NIPAL2: variants seen among roughly 807,000 people sequenced by gnomAD.
NIPAL2 encodes the protein NIPA-like protein 2.
Under a neutral mutation model 48.9 loss-of-function variants are expected in NIPAL2, and 43 were observed. That is an observed-to-expected ratio of 0.88 (90% CI 0.69 to 1.13). The LOEUF (loss-of-function observed/expected upper bound fraction) is 1.13, where lower values mean the gene tolerates loss of function less well. Among genes scored for constraint, NIPAL2 ranks in the 50% most tolerant of loss-of-function variants. The probability of loss-of-function intolerance (pLI) is 0.00; values close to 1 mark genes in which losing one functional copy is unlikely to be tolerated. For missense variants in NIPAL2, 446 were observed against 461.4 expected (o/e 0.97, Z 0.31); for synonymous variants, 167 against 174.6 (o/e 0.96, Z 0.34).
At chr8:98,272,281 G>A (rs1815182585) in intron 1 of NIPAL2, among the ~76,000 whole-genome samples, 1 of 152,114 alleles carries the variant, frequency 6.6e-6, no homozygotes, top group Non-Finnish European at 1.5e-5. Context: ...CTGGCTAAAT[G>A]AAGATCATCA....
intron 7 of NIPAL2, among the ~76,000 whole-genome samples, chr8:98,204,815 G>C (rs1223023498): frequency 6.6e-6 from 1 of 151,882 alleles, no homozygotes; most frequent in East Asian, 1.9e-4. Flanking sequence ...ATGACAACCT[G>C]TGTACCACAG....
At chr8:98,222,210 T>G (rs923154959) in intron 5 of NIPAL2, among the ~76,000 whole-genome samples, 1 of 152,214 alleles carries the variant, frequency 6.6e-6, no homozygotes, top group Non-Finnish European at 1.5e-5. Flanking sequence ...GGAATGTTTT[T>G]TTTTACTCTG....
intron 1 of NIPAL2, among the ~76,000 whole-genome samples, chr8:98,270,211 T>C (rs1221121570): frequency 1.3e-5 from 2 of 152,232 alleles, no homozygotes. Context: ...AGTAATGGGA[T>C]TGCTGGGTGA....
chr8:98,253,565 C>T (rs1471675460), intron 2 of NIPAL2, among the ~76,000 whole-genome samples: 3 of 152,120 alleles, frequency 2.0e-5, no homozygotes, highest in Non-Finnish European at 4.4e-5. Context: ...TACATTCTTT[C>T]CTCAAGACCA....
chr8:98,286,431 T>C (rs1816165365), intron 1 of NIPAL2, among the ~76,000 whole-genome samples: 1 of 152,156 alleles, frequency 6.6e-6, no homozygotes, highest in African/African-American at 2.4e-5. Flanking sequence ...CAGTGAGGCA[T>C]GGAGCTCATA....
chr8:98,279,538 T>C (rs1815677956), intron 1 of NIPAL2, among the ~76,000 whole-genome samples: 1 of 152,200 alleles, frequency 6.6e-6, no homozygotes, highest in South Asian at 2.1e-4. Flanking sequence ...GTCCTTTCAC[T>C]GGTCAGGGAA....
intron 6 of NIPAL2, among the ~76,000 whole-genome samples, chr8:98,208,851 T>A (rs1333632554): frequency 6.6e-6 from 1 of 152,174 alleles, no homozygotes; most frequent in Non-Finnish European, 1.5e-5. Context: ...TTCTTTTTTT[T>A]AATTCCATTT....
chr8:98,204,747 G>A (rs1215353524), intron 7 of NIPAL2, among the ~76,000 whole-genome samples: 2 of 151,958 alleles, frequency 1.3e-5, no homozygotes, highest in Non-Finnish European at 2.9e-5. Context: ...GGGTTCATGT[G>A]TGTCCTATAT....
At position 98,203,185 on chromosome 8, in the gene NIPAL2, T is replaced by G. The variant is rs1810883484; in HGVS notation, c.803A>C (p.Gln268Pro). Residue 268 changes from glutamine to proline, a missense_variant, in exon 8 of 11, where the codon CAA (glutamine) becomes CCA (proline). Physicochemically the swap from Gln to Pro is moderately conservative, Grantham distance 76. Transcript: ENST00000430223. ...TGTCGTATTGTAGAGTTTCGTGGCT[T>G]GATTCAGGAACCTAGGGCAGAAGGC... ...SCVFQVKFLN[Q>P]ATKLYNTTTV... 3.7e-6 allele frequency: 6 copies of G among 1,613,928 alleles called. No homozygotes were observed. Among genetic ancestry groups the G allele is most frequent in the Non-Finnish European group, 5.1e-6 (6 of 1,179,892 alleles).
intron 3 of NIPAL2, among the ~76,000 whole-genome samples, chr8:98,237,378 C>A (rs1223331339): frequency 6.6e-6 from 1 of 151,954 alleles, no homozygotes; most frequent in African/African-American, 2.4e-5. Flanking sequence ...TAGGTCTGTT[C>A]CCAACTCTTC....
chr8:98,250,744 A>G (rs1359196345), intron 3 of NIPAL2, among the ~76,000 whole-genome samples: 1 of 152,184 alleles, frequency 6.6e-6, no homozygotes, highest in South Asian at 2.1e-4. Flanking sequence ...AGGTGGGTGG[A>G]CCAGCTCACA....
intron 1 of NIPAL2, among the ~76,000 whole-genome samples, chr8:98,267,225 C>T (rs1050673789): frequency 2.0e-5 from 3 of 151,894 alleles, no homozygotes; most frequent in Non-Finnish European, 4.4e-5. Flanking sequence ...TTTTTTAATG[C>T]TGTAGAACCA....
At position 98,259,069 on chromosome 8, in the gene NIPAL2, C is replaced by CTTTTTTTTTT. The variant is rs1563531576; in HGVS notation, c.136-4983_136-4982insAAAAAAAAAA. On this transcript the variant is annotated intron_variant, in intron 1 of 10. Transcript: ENST00000430223. ...TTATGCTGCTGTTCCTTTAAATATT[C>CTTTTTTTTTT]CTTTTTTTTTTTTTTTTTTTTTTTT... 6.3e-4 allele frequency among the ~76,000 whole-genome samples: 56 copies of CTTTTTTTTTT among 89,340 alleles called. 4 individuals carry two copies. Among genetic ancestry groups the CTTTTTTTTTT allele is most frequent in the Middle Eastern group, 6.3e-3 (1 of 160 alleles). The allele number at this position is 89,340 out of a possible 152,430, so 58.6% of individuals were successfully genotyped here. A position where few individuals can be genotyped will look rare whatever the true frequency, so the allele number is the denominator to read the frequency against.
At position 98,203,203 on chromosome 8, in the gene NIPAL2, C is replaced by A. The variant is rs772777993; in HGVS notation, c.792-7G>T. 1 of 1,609,486 alleles carries A rather than the reference C, an allele frequency of 6.2e-7. No individual in the cohort carries two copies. Among genetic ancestry groups the A allele is most frequent in the Non-Finnish European group, 8.5e-7 (1 of 1,175,974 alleles). On this transcript the variant is annotated splice_polypyrimidine_tract_variant and splice_region_variant and intron_variant, in intron 7 of 10. Transcript: ENST00000430223. ...CGTGGCTTGATTCAGGAACCTAGGGCAGAAGGCACTTACTGGAGCTTTGGC... is the reference window on the plus strand; with the variant it reads ...CGTGGCTTGATTCAGGAACCTAGGGAAGAAGGCACTTACTGGAGCTTTGGC...
intron 1 of NIPAL2, among the ~76,000 whole-genome samples, chr8:98,262,443 G>A (rs1166161435): frequency 2.7e-4 from 41 of 150,948 alleles, no homozygotes; most frequent in Non-Finnish European, 5.6e-4. Flanking sequence ...GATCTACCAA[G>A]CAAATGGAAA....
At chr8:98,210,912 T>C (rs1795751693) in intron 6 of NIPAL2, among the ~76,000 whole-genome samples, 1 of 152,220 alleles carries the variant, frequency 6.6e-6, no homozygotes, top group Non-Finnish European at 1.5e-5. Context: ...AATTTATGCA[T>C]GTAGCCAAAA....
At chr8:98,283,974 CA>C (rs1276124052) in intron 1 of NIPAL2, among the ~76,000 whole-genome samples, 1 of 152,158 alleles carries the variant, frequency 6.6e-6, no homozygotes, top group Non-Finnish European at 1.5e-5. Context: ...CAATCAAGTT[CA>C]AGTGTGCTAT....
chr8:98,268,306 C>T (rs930438714), intron 1 of NIPAL2, among the ~76,000 whole-genome samples: 1 of 151,740 alleles, frequency 6.6e-6, no homozygotes, highest in Non-Finnish European at 1.5e-5. Flanking sequence ...GGTGGCAGGT[C>T]CAATAATTAC....
At chr8:98,261,885 C>T (rs1731895827) in intron 1 of NIPAL2, among the ~76,000 whole-genome samples, 1 of 99,462 alleles carries the variant, frequency 1.0e-5, no homozygotes, top group African/African-American at 4.0e-5. Flanking sequence ...AGAGAAAGGT[C>T]GGGTTACCCT....
Sources: allele counts gnomAD v4.1 joint callset (sites outside exome capture counted in the v4.1 genomes callset), GRCh38; gene constraint gnomAD v4.1.1; transcripts MANE v1.5; gene names NCBI Gene and HGNC (gene_info 2026-07-23, HGNC 2026-07-21).